Variants in RAB7A observed in about 807,000 individuals in gnomAD.
RAB7A encodes RAB7A, member RAS oncogene family, also known as ras-related protein Rab-7a.
Under a neutral mutation model 24.5 loss-of-function variants are expected in RAB7A, and 2 were observed. The ratio of observed to expected loss-of-function variants is 0.08; its 90% CI spans 0.03 to 0.26. RAB7A has a LOEUF of 0.26. Ranked by LOEUF, RAB7A falls within the 10% of genes least tolerant of loss-of-function variation. RAB7A has a pLI of 1.00. For missense variants in RAB7A, 118 were observed against 255.7 expected (o/e 0.46, Z 3.67); for synonymous variants, 100 against 95.9 (o/e 1.04, Z -0.25).
At chr3:128,763,351 A>G (rs2070793185) in intron 1 of RAB7A, among the ~76,000 whole-genome samples, 1 of 150,426 alleles carries the variant, frequency 6.6e-6, no homozygotes, top group South Asian at 2.1e-4. Context: ...AGTAGCTGGG[A>G]CTACAGGCAC....
intron 1 of RAB7A, among the ~76,000 whole-genome samples, chr3:128,790,043 T>C (rs534805789): frequency 6.6e-6 from 1 of 152,340 alleles, no homozygotes; most frequent in South Asian, 2.1e-4. Flanking sequence ...TCCACCTACC[T>C]CAGCCTCCCA....
At chr3:128,743,191 C>T (rs868503292) in intron 1 of RAB7A, among the ~76,000 whole-genome samples, 5 of 152,338 alleles carry the variant, frequency 3.3e-5, no homozygotes, top group East Asian at 1.9e-4. Flanking sequence ...TGCCCCAGGC[C>T]GGTGGCGCCA....
intron 1 of RAB7A, among the ~76,000 whole-genome samples, chr3:128,729,340 G>A (rs542530186): frequency 6.6e-6 from 1 of 152,252 alleles, no homozygotes; most frequent in Non-Finnish European, 1.5e-5. Context: ...GGAGGCCGAG[G>A]CAGGTGGATC....
rs149386132 is a variant in RAB7A at position 128,758,165 on chromosome 3, T to C, written c.-9+31806T>C. Among the ~76,000 whole-genome samples, 529 of 152,256 alleles carry C rather than the reference T, an allele frequency of 3.5e-3. 1 individual carries two copies. Among genetic ancestry groups the C allele is most frequent in the Non-Finnish European group, 4.5e-3 (309 of 68,008 alleles). ...TTTTTGTAGAGGCAGCCTCTCACTA[T>C]ATTGGTTAGGCTGGATTTGAATTTC... On this transcript the variant is annotated intron_variant, in intron 1 of 5. Transcript: ENST00000265062.
At chr3:128,783,366 A>G (rs988132432) in intron 1 of RAB7A, among the ~76,000 whole-genome samples, 1 of 151,984 alleles carries the variant, frequency 6.6e-6, no homozygotes. Context: ...AGGGAGTAGT[A>G]TCCAGGAAGA....
intron 1 of RAB7A, among the ~76,000 whole-genome samples, chr3:128,791,646 G>T (rs1434017954): frequency 1.3e-5 from 2 of 152,162 alleles, no homozygotes; most frequent in Non-Finnish European, 2.9e-5. Context: ...ATTACATTTG[G>T]ATGGGAAAGA....
Position 128,743,136 on chromosome 3 carries a change from C to T in RAB7A, c.-9+16777C>T, listed in dbSNP as rs568472813. ...GGTGGGCTGGCGGTGCTGGGGGACC[C>T]GGTGCCCCCTCCACATCTGCTGGCC... On this transcript the variant is annotated intron_variant, in intron 1 of 5. Coordinates refer to ENST00000265062, the MANE Select transcript of RAB7A (RefSeq NM_004637.6). Among the ~76,000 whole-genome samples, 190 of 152,310 alleles carry T rather than the reference C, an allele frequency of 1.2e-3. 1 individual carries two copies. Among genetic ancestry groups the T allele is most frequent in the African/African-American group, 4.3e-3 (180 of 41,562 alleles).
intron 1 of RAB7A, among the ~76,000 whole-genome samples, chr3:128,763,253 C>T (rs1327971658): frequency 3.5e-4 from 44 of 124,424 alleles, no homozygotes; most frequent in South Asian, 7.4e-4. Context: ...CTCGCTCTGT[C>T]GCCCAGGCTG....
intron 1 of RAB7A, among the ~76,000 whole-genome samples, chr3:128,755,642 C>T (rs554906723): frequency 9.2e-5 from 14 of 152,182 alleles, no homozygotes; most frequent in African/African-American, 1.4e-4. Flanking sequence ...TTGCTCAGTT[C>T]CTGGGACTGT....
intron 3 of RAB7A, among the ~76,000 whole-genome samples, chr3:128,805,117 TTTTG>T (rs113016574): frequency 0.017 from 2,608 of 152,074 alleles, 60 homozygotes; most frequent in African/African-American, 0.056. Flanking sequence ...CCAAGTGTTC[TTTTG>T]TTTGTTTGTT....
At chr3:128,804,486 A>C (rs1285351730) in intron 3 of RAB7A, among the ~76,000 whole-genome samples, 1 of 152,262 alleles carries the variant, frequency 6.6e-6, no homozygotes, top group Non-Finnish European at 1.5e-5. Flanking sequence ...CCAAGAACCC[A>C]GGTCGCTGTT....
intron 1 of RAB7A, among the ~76,000 whole-genome samples, chr3:128,739,394 T>A (rs569216184): frequency 7.3e-4 from 111 of 151,848 alleles, no homozygotes; most frequent in Admixed American, 1.8e-3. Context: ...GCTCCTGTAA[T>A]CCCAGCTACT....
chr3:128,741,520 T>A (rs1221714601), intron 1 of RAB7A, among the ~76,000 whole-genome samples: 1 of 152,140 alleles, frequency 6.6e-6, no homozygotes, highest in Non-Finnish European at 1.5e-5. Flanking sequence ...ATTTCCTACT[T>A]CCATGTCTTT....
intron 1 of RAB7A, among the ~76,000 whole-genome samples, chr3:128,745,577 G>A (rs1413692263): frequency 6.6e-6 from 1 of 152,078 alleles, no homozygotes; most frequent in African/African-American, 2.4e-5. Flanking sequence ...TGTTGGCCAG[G>A]CTGGTCTCGA....
chr3:128,729,569 C>CAAAAA (rs71153142), intron 1 of RAB7A, among the ~76,000 whole-genome samples: 1 of 97,134 alleles, frequency 1.0e-5, no homozygotes, highest in South Asian at 3.1e-4. Context: ...GACTTCTTCT[C>CAAAAA]AAAAAAAAAA....
chr3:128,782,588 A>G (rs565072718), intron 1 of RAB7A, among the ~76,000 whole-genome samples: 3 of 147,870 alleles, frequency 2.0e-5, no homozygotes, highest in African/African-American at 5.0e-5. Flanking sequence ...CCTTCTTGTG[A>G]CACACATCAG....
chr3:128,794,907 G>T (rs1327232639), intron 1 of RAB7A, among the ~76,000 whole-genome samples: 1 of 152,018 alleles, frequency 6.6e-6, no homozygotes, highest in Admixed American at 6.6e-5. Context: ...ATGTCAATTA[G>T]TGGTAAGTGC....
At chr3:128,782,626 T>C (rs1420458629) in intron 1 of RAB7A, among the ~76,000 whole-genome samples, 1 of 134,330 alleles carries the variant, frequency 7.4e-6, no homozygotes, top group Admixed American at 8.8e-5. Context: ...TAGTAGGCTC[T>C]AGTAGGATGC....
At chr3:128,764,445 A>G (rs561060496) in intron 1 of RAB7A, 53 of 755,534 alleles carry the variant, frequency 7.0e-5, no homozygotes, top group East Asian at 6.8e-4. Flanking sequence ...CCCCATGGCT[A>G]TGGGGAAATT....
Sources: gnomAD v4.1 joint callset for allele counts (sites outside exome capture counted in the v4.1 genomes callset) on GRCh38, gnomAD v4.1.1 for gene constraint, MANE v1.5 for transcripts, NCBI Gene and HGNC (gene_info 2026-07-23, HGNC 2026-07-21) for gene names.